ALDH18A1: variants seen among roughly 807,000 people sequenced by gnomAD.
ALDH18A1 encodes the protein aldehyde dehydrogenase 18 family member A1.
In ALDH18A1, 44 loss-of-function variants were observed where a neutral mutation model predicts 88.8. The observed-to-expected ratio is 0.50, with a 90% CI of 0.39 to 0.64. The LOEUF (loss-of-function observed/expected upper bound fraction) is 0.64. ALDH18A1 is among the 30% of genes least tolerant of loss of function. The probability of loss-of-function intolerance (pLI) is 0.00; values close to 1 mark genes in which losing one functional copy is unlikely to be tolerated. For synonymous variants in ALDH18A1, 331 were observed against 372.1 expected (o/e 0.89, Z 1.27); for missense variants, 782 against 1,009.5 (o/e 0.77, Z 3.05).
Position 95,641,167 on chromosome 10 carries a change from C to T in ALDH18A1, c.303+1825G>A, listed in dbSNP as rs528380765. Reference sequence around the variant, plus strand: ...TCCCCTCTGTTTGTGCAAATCCCATCAGTTGTCAAGGCCCAGGCTGAGTTC... The same window carrying T: ...TCCCCTCTGTTTGTGCAAATCCCATTAGTTGTCAAGGCCCAGGCTGAGTTC... On this transcript the variant is annotated intron_variant, in intron 3 of 17. Transcript: ENST00000371224. Among the ~76,000 whole-genome samples the T allele has an allele frequency of 1.2e-4, 18 of 152,278 alleles. No homozygotes were observed. The South Asian group carries it at 3.7e-3, about 32-fold the overall frequency.
chr10:95,634,563 A>G (rs1443378607), intron 5 of ALDH18A1, among the ~76,000 whole-genome samples: 1 of 152,198 alleles, frequency 6.6e-6, no homozygotes, highest in Admixed American at 6.5e-5. Context: ...GGAGTTAACT[A>G]AGATTGTGTG....
chr10:95,629,574 G>A (rs2139597485), intron 7 of ALDH18A1, among the ~76,000 whole-genome samples: 1 of 152,212 alleles, frequency 6.6e-6, no homozygotes, highest in Middle Eastern at 3.4e-3. Flanking sequence ...TTAGGGTTAG[G>A]ATCTTCCCAG....
rs572977762 is a variant in ALDH18A1, at chr10:95,649,749, T to C, written c.88+3541A>G. On this transcript the variant is annotated intron_variant, in intron 2 of 17. Coordinates refer to ENST00000371224, the MANE Select transcript of ALDH18A1 (RefSeq NM_002860.4). ...TATAAAAATTAGCTGGATATGGTGG[T>C]GCACGCCTATAGTCCCAGCTACTTG... Among the ~76,000 whole-genome samples, 113 of 152,092 alleles carry C rather than the reference T, an allele frequency of 7.4e-4. 1 individual carries two copies. The highest frequency in any genetic ancestry group is 1.3e-3 in the Non-Finnish European group (89 of 67,984).
chr10:95,633,788 C>T lies in ALDH18A1; in HGVS notation c.559-139G>A. ...CAGATTAGAAGATTAGAATGAAATA[C>T]ACATATCTGGGTGCTATCCAATTCT... On this transcript the variant is annotated intron_variant, in intron 5 of 17. Coordinates refer to ENST00000371224, the MANE Select transcript of ALDH18A1 (RefSeq NM_002860.4). The T allele has an allele frequency of 8.0e-6, 5 of 626,498 alleles. No individual in the cohort carries two copies. In the Admixed American group the frequency reaches 1.1e-4, roughly 13 times the overall value. The allele number at this position is 626,498 out of a possible 1,614,324, so 38.8% of individuals were successfully genotyped here. A position where few individuals can be genotyped will look rare whatever the true frequency, so the allele number is the denominator to read the frequency against.
chr10:95,650,873 C>A (rs950919597), intron 2 of ALDH18A1, among the ~76,000 whole-genome samples: 10 of 152,058 alleles, frequency 6.6e-5, no homozygotes, highest in Non-Finnish European at 1.3e-4. Flanking sequence ...GAGGCTCATG[C>A]CTATAATCCC....
chr10:95,621,981 C>A (rs919479453), intron 11 of ALDH18A1, among the ~76,000 whole-genome samples: 6 of 152,088 alleles, frequency 3.9e-5, no homozygotes, highest in African/African-American at 1.4e-4. Context: ...AACTATAAAA[C>A]AGCATGTATG....
chr10:95,613,912 T>C (rs748295825), intron 14 of ALDH18A1, 49 bp from the exon 15 acceptor site: 4 of 1,614,122 alleles, frequency 2.5e-6, no homozygotes, highest in South Asian at 2.2e-5. Context: ...GATCCAGAGC[T>C]GCAGAGGATG....
chr10:95,616,808 G>T, intron 12 of ALDH18A1, 194 bp from the exon 13 acceptor site: 1 of 733,628 alleles, frequency 1.4e-6, no homozygotes. Flanking sequence ...TAAGGGCACT[G>T]AAGCCCAGAG....
chr10:95,636,528 T>A (rs1431748156), intron 5 of ALDH18A1, among the ~76,000 whole-genome samples: 3 of 152,228 alleles, frequency 2.0e-5, no homozygotes, highest in Non-Finnish European at 4.4e-5. Flanking sequence ...AGGACTGGAA[T>A]CATGTCTGAT....
At chr10:95,651,491 G>T (rs1048193576) in intron 2 of ALDH18A1, among the ~76,000 whole-genome samples, 3 of 152,182 alleles carry the variant, frequency 2.0e-5, no homozygotes, top group Non-Finnish European at 4.4e-5. Context: ...AAGAAAAGAG[G>T]TTTAACTGGC....
At chr10:95,632,489 G>A (rs762512863) in intron 7 of ALDH18A1, among the ~76,000 whole-genome samples, 2 of 152,114 alleles carry the variant, frequency 1.3e-5, no homozygotes, top group African/African-American at 2.4e-5. Flanking sequence ...CTTCAGCCCC[G>A]AGTAGCTGGA....
intron 7 of ALDH18A1, among the ~76,000 whole-genome samples, chr10:95,630,625 C>T (rs1334984470): frequency 2.6e-5 from 4 of 152,066 alleles, no homozygotes; most frequent in Non-Finnish European, 5.9e-5. Context: ...ACAGGAGAAT[C>T]GCTTGAACCC....
chr10:95,617,072 C>T (rs1312547843), intron 12 of ALDH18A1, among the ~76,000 whole-genome samples: 1 of 152,156 alleles, frequency 6.6e-6, no homozygotes, highest in Non-Finnish European at 1.5e-5. Flanking sequence ...CATGGTGAAA[C>T]CCCATCTCTA....
In ALDH18A1 at chr10:95,656,350, G is replaced by C. The variant is rs2225892; in HGVS notation, c.-29+247C>G. 0.84 allele frequency: 128,353 copies of C among 152,418 alleles called. 54,595 individuals carry two copies. The highest frequency in any genetic ancestry group is 0.91 in the Non-Finnish European group (62,133 of 68,214). The allele number at this position is 152,418 out of a possible 1,614,324, so 9.4% of individuals were successfully genotyped here. A position where few individuals can be genotyped will look rare whatever the true frequency, so the allele number is the denominator to read the frequency against. On this transcript the variant is annotated intron_variant, in intron 1 of 17. Coordinates refer to ENST00000371224, the MANE Select transcript of ALDH18A1 (RefSeq NM_002860.4). ...CGTAGCCATCCGTAGATCCCGGGGC[G>C]GCCGCGCACCGGCATATGGGAGCGC...
chr10:95,641,283 A>G (rs1311950694), intron 3 of ALDH18A1, among the ~76,000 whole-genome samples: 1 of 151,946 alleles, frequency 6.6e-6, no homozygotes, highest in Non-Finnish European at 1.5e-5. Flanking sequence ...GGGCCCACTT[A>G]TTTGGATATT....
intron 2 of ALDH18A1, among the ~76,000 whole-genome samples, chr10:95,644,574 C>T (rs1589561783): frequency 1.3e-5 from 2 of 152,302 alleles, no homozygotes; most frequent in Admixed American, 1.3e-4. Flanking sequence ...GGCCCAACAC[C>T]TCCTGCTTAG....
intron 2 of ALDH18A1, among the ~76,000 whole-genome samples, chr10:95,648,320 T>TTCATCATCATCATCATCA (rs56238714): frequency 6.6e-6 from 1 of 150,688 alleles, no homozygotes; most frequent in African/African-American, 2.5e-5. Flanking sequence ...ATATTCTACC[T>TTCATCATCATCATCATCA]TCATCATCAT....
intron 15 of ALDH18A1, among the ~76,000 whole-genome samples, chr10:95,612,231 G>A (rs1285907335): frequency 1.3e-5 from 2 of 152,140 alleles, no homozygotes; most frequent in Non-Finnish European, 2.9e-5. Context: ...CTGAAACTGT[G>A]GCTACTCATT....
rs2097851847 is a variant in ALDH18A1, at chr10:95,621,176, C to T, written c.1322G>A (p.Arg441Gln). The T allele has an allele frequency of 5.6e-6, 9 of 1,613,994 alleles. No homozygotes were observed. The highest frequency in any genetic ancestry group is 3.3e-5 in the South Asian group (3 of 91,074). Residue 441 changes from arginine to glutamine, a missense_variant, in exon 12 of 18, where the codon CGA becomes CAA. Physicochemically the swap from Arg to Gln is conservative, Grantham distance 43. Around this residue, in one of 3 missense-constraint regions of ALDH18A1, gnomAD observed 556 missense variants for 654.5 expected, o/e 0.85. Coordinates refer to ENST00000371224, the MANE Select transcript of ALDH18A1 (RefSeq NM_002860.4). Reference sequence around the variant, plus strand: ...GTCCTGGGAGGAGGCTGCGATCTGTCGCAGACCGATGGCCAGGCTGTTCAA... The same window carrying T: ...GTCCTGGGAGGAGGCTGCGATCTGTTGCAGACCGATGGCCAGGCTGTTCAA... ...SKLNSLAIGL[R>Q]QIAASSQDSV...
Sources: allele counts gnomAD v4.1 joint callset (sites outside exome capture counted in the v4.1 genomes callset), GRCh38; gene constraint gnomAD v4.1.1; regional missense constraint gnomAD v4.1.1; transcripts MANE v1.5; gene names NCBI Gene and HGNC (gene_info 2026-07-23, HGNC 2026-07-21).